DGKH: variants seen among roughly 807,000 people sequenced by gnomAD.
DGKH encodes DAG kinase eta.
In DGKH, 90 loss-of-function variants were observed where a neutral mutation model predicts 159.3. That is an observed-to-expected ratio of 0.57 (90% CI 0.48 to 0.67). The LOEUF (loss-of-function observed/expected upper bound fraction) is 0.67, where lower values mean the gene tolerates loss of function less well. Ranked by LOEUF, DGKH falls within the 30% of genes least tolerant of loss-of-function variation. The probability of loss-of-function intolerance (pLI) is 0.00; values close to 1 mark genes in which losing one functional copy is unlikely to be tolerated. For synonymous variants in DGKH, 536 were observed against 553.8 expected (o/e 0.97, Z 0.45); for missense variants, 1,181 against 1,506.1 (o/e 0.78, Z 3.57).
At chr13:42,101,216 C>T (rs1049336948) in intron 1 of DGKH, among the ~76,000 whole-genome samples, 2 of 152,202 alleles carry the variant, frequency 1.3e-5, no homozygotes, top group South Asian at 2.1e-4. Flanking sequence ...CCAGACTGGC[C>T]TCTTTAGTTC....
intron 29 of DGKH, among the ~76,000 whole-genome samples, chr13:42,248,234 C>T (rs1007532226): frequency 3.3e-5 from 5 of 151,972 alleles, no homozygotes; most frequent in Non-Finnish European, 2.9e-5. Context: ...CCAGCATGGC[C>T]AACATAGTGA....
At chr13:42,250,909 G>A (rs1958615828) in intron 29 of DGKH, among the ~76,000 whole-genome samples, 1 of 152,154 alleles carries the variant, frequency 6.6e-6, no homozygotes, top group Non-Finnish European at 1.5e-5. Flanking sequence ...CAATTTCAAT[G>A]GGAAATGATA....
In DGKH at chr13:42,194,959, G is replaced by T; in HGVS notation, c.2110G>T (p.Ala704Ser). 1.2e-6 allele frequency: 2 copies of T among 1,614,040 alleles called. No individual in the cohort carries two copies. Among genetic ancestry groups the T allele is most frequent in the African/African-American group, 2.7e-5 (2 of 75,030 alleles). ...CCAAACTGATTCTGTCCCTGGTCCAGCTGTGGCAGCCAGCAAAGAAAACCT... is the reference window on the plus strand; with the variant it reads ...CCAAACTGATTCTGTCCCTGGTCCATCTGTGGCAGCCAGCAAAGAAAACCT... Reference protein sequence around the residue: ...HSQTDSVPGPAVAASKENLPV... With the variant: ...HSQTDSVPGPSVAASKENLPV... Residue 704 changes from alanine (A) to serine (S), a missense_variant, in exon 17 of 30, where the codon GCT (alanine) becomes TCT (serine). Ala to Ser is a moderately conservative substitution (Grantham distance 99, BLOSUM62 1). This residue lies in a region of DGKH where 257 missense variants were observed against 281.5 expected (regional missense o/e 0.91). Transcript: ENST00000337343.
At chr13:42,174,195 G>GAAA in intron 12 of DGKH, 51 bp downstream of exon 12, 1 of 1,194,406 alleles carries the variant, frequency 8.4e-7, no homozygotes, top group Non-Finnish European at 1.2e-6. Flanking sequence ...GATATCTTGA[G>GAAA]AAAAAAAAAA....
In DGKH at chr13:42,206,979, CTT is replaced by C. The variant is rs71767190; in HGVS notation, c.2601+835_2601+836del. On this transcript the variant is annotated intron_variant, in intron 21 of 29. Coordinates refer to ENST00000337343, the MANE Select transcript of DGKH (RefSeq NM_178009.5). ...ATACCTTTTGGTACTTTTACTTTTT[CTT>C]TCTTTCTTTCTTTCTTTCTTTCTTT... 5.9e-3 allele frequency among the ~76,000 whole-genome samples: 510 copies of C among 87,096 alleles called. 16 individuals carry two copies. The highest frequency in any genetic ancestry group is 0.011 in the South Asian group (27 of 2,358). 57.1% of individuals were successfully genotyped at this position (87,096 alleles called of 152,430 possible).
At chr13:42,252,752 CTT>C (rs879534665) in intron 30 of DGKH, among the ~76,000 whole-genome samples, 1 of 146,360 alleles carries the variant, frequency 6.8e-6, no homozygotes, top group Non-Finnish European at 1.5e-5. Flanking sequence ...CATCCTACAA[CTT>C]TTTTTTTTTT....
In DGKH at chr13:42,186,025, G is replaced by A. The variant is rs868863565; in HGVS notation, c.1539-1024G>A. Among the ~76,000 whole-genome samples, 250 of 147,122 alleles carry A rather than the reference G, an allele frequency of 1.7e-3. 2 individuals are homozygous for A. Among genetic ancestry groups the A allele is most frequent in the African/African-American group, 5.8e-3 (237 of 40,908 alleles). ...TGGTGGTGGTGGTGTGTGTGTGTGTGTGTGTGTGTGTGTGTGTGTGTGTGT... is the reference window on the plus strand; with the variant it reads ...TGGTGGTGGTGGTGTGTGTGTGTGTATGTGTGTGTGTGTGTGTGTGTGTGT... On this transcript the variant is annotated intron_variant, in intron 13 of 29. Coordinates refer to ENST00000337343, the MANE Select transcript of DGKH (RefSeq NM_178009.5).
At chr13:42,207,228 C>T (rs1281137969) in intron 21 of DGKH, among the ~76,000 whole-genome samples, 2 of 146,910 alleles carry the variant, frequency 1.4e-5, no homozygotes, top group Admixed American at 7.0e-5. Flanking sequence ...CTTACTCTGT[C>T]GCTCAGACTG....
chr13:42,176,403 A>G (rs1005310376), intron 12 of DGKH, among the ~76,000 whole-genome samples: 9 of 152,178 alleles, frequency 5.9e-5, no homozygotes, highest in Admixed American at 6.5e-5. Context: ...GTAAAGATGT[A>G]ATTTTTAGTG....
intron 29 of DGKH, among the ~76,000 whole-genome samples, chr13:42,223,354 T>C (rs1316033230): frequency 6.6e-6 from 1 of 152,218 alleles, no homozygotes; most frequent in Non-Finnish European, 1.5e-5. Context: ...CTGACCTGAT[T>C]TGTGAACTTT....
rs1223953901 is a variant in DGKH, at chr13:42,135,489, C to CACAAAAAAAAAAAAAAA, written c.384+5858_384+5859insCAAAAAAAAAAAAAAAA. Among the ~76,000 whole-genome samples the CACAAAAAAAAAAAAAAA allele has an allele frequency of 3.5e-4, 18 of 50,888 alleles. 1 individual carries two copies. The highest frequency in any genetic ancestry group is 6.0e-4 in the Non-Finnish European group (14 of 23,344). 33.4% of individuals were successfully genotyped at this position (50,888 alleles called of 152,430 possible). ...TGGGTGGCAGAGAAAGACCCTGTCTCAGAAAAAAAAAAAAAAAAAGAGAGA... is the reference window on the plus strand; with the variant it reads ...TGGGTGGCAGAGAAAGACCCTGTCTCACAAAAAAAAAAAAAAAAGAAAAAAAAAAAAAAAAAGAGAGA... On this transcript the variant is annotated intron_variant, in intron 3 of 29. Transcript: ENST00000337343.
At chr13:42,145,893 A>G (rs1004939343) in intron 3 of DGKH, among the ~76,000 whole-genome samples, 2 of 152,202 alleles carry the variant, frequency 1.3e-5, no homozygotes, top group African/African-American at 4.8e-5. Context: ...ATTCTGTGTT[A>G]TAGATCTCAT....
chr13:42,122,520 C>T (rs1955094974), intron 1 of DGKH, among the ~76,000 whole-genome samples: 1 of 152,130 alleles, frequency 6.6e-6, no homozygotes, highest in South Asian at 2.1e-4. Flanking sequence ...CTCATGTTAG[C>T]CCATTGATCC....
intron 1 of DGKH, among the ~76,000 whole-genome samples, chr13:42,068,773 CAT>C (rs932705011): frequency 5.9e-5 from 9 of 152,124 alleles, no homozygotes; most frequent in Admixed American, 3.9e-4. Flanking sequence ...AACTATCTCA[CAT>C]GTAGAAAAAG....
chr13:42,099,180 T>C (rs1954605247), intron 1 of DGKH, among the ~76,000 whole-genome samples: 1 of 152,180 alleles, frequency 6.6e-6, no homozygotes, highest in Non-Finnish European at 1.5e-5. Flanking sequence ...TCACTGGCGC[T>C]TTCCGGCTGA....
chr13:42,090,027 T>A (rs555616794), intron 1 of DGKH, among the ~76,000 whole-genome samples: 39 of 152,204 alleles, frequency 2.6e-4, no homozygotes, highest in African/African-American at 9.4e-4. Context: ...GATCAAAGAA[T>A]AAATCACAAC....
At chr13:42,207,015 C>CTTTCTTTCTTTCTTTCTTTCTT (rs1957498260) in intron 21 of DGKH, among the ~76,000 whole-genome samples, 3 of 143,700 alleles carry the variant, frequency 2.1e-5, no homozygotes, top group African/African-American at 7.9e-5. Flanking sequence ...TTCTTTCTTT[C>CTTTCTTTCTTTCTTTCTTTCTT]TTTCTTTCTT....
At chr13:42,127,436 T>A (rs754758594) in intron 1 of DGKH, 27 bp from the exon 2 acceptor site, 4 of 1,517,840 alleles carry the variant, frequency 2.6e-6, no homozygotes, top group Non-Finnish European at 3.6e-6. Context: ...ATTTTAATCG[T>A]GTCATTGTGC....
At chr13:42,152,777 G>A (rs1262092041) in intron 3 of DGKH, among the ~76,000 whole-genome samples, 1 of 152,040 alleles carries the variant, frequency 6.6e-6, no homozygotes, top group Non-Finnish European at 1.5e-5. Flanking sequence ...ATTAAGAGGG[G>A]ACAGTTCCCT....
Sources: gnomAD v4.1 joint callset for allele counts (sites outside exome capture counted in the v4.1 genomes callset) on GRCh38, gnomAD v4.1.1 for gene constraint, gnomAD v4.1.1 regional missense constraint, MANE v1.5 for transcripts, NCBI Gene and HGNC (gene_info 2026-07-23, HGNC 2026-07-21) for gene names.